Variants in GPR107 observed in about 807,000 individuals in gnomAD.
GPR107 encodes protein GPR107.
Under a neutral mutation model 75.5 loss-of-function variants are expected in GPR107, and 31 were observed. The ratio of observed to expected loss-of-function variants is 0.41; its 90% CI spans 0.31 to 0.55. The LOEUF (loss-of-function observed/expected upper bound fraction) is 0.55, where lower values mean the gene tolerates loss of function less well. Ranked by LOEUF, GPR107 falls within the 20% of genes least tolerant of loss-of-function variation. The pLI, the probability that GPR107 is intolerant of heterozygous loss-of-function variation, is 0.26. For missense variants in GPR107, 572 were observed against 665.7 expected, an observed-to-expected ratio of 0.86 and a Z score of 1.55; for synonymous variants, 267 against 251.3, an observed-to-expected ratio of 1.06 and a Z score of -0.59.
chr9:130,081,528 C>T (rs1830492479), intron 5 of GPR107, among the ~76,000 whole-genome samples: 1 of 151,956 alleles, frequency 6.6e-6, no homozygotes, highest in Non-Finnish European at 1.5e-5. Context: ...AAAAAATTAG[C>T]CGGGCATGGT....
At chr9:130,134,677 A>G (rs1299889551) in intron 17 of GPR107, among the ~76,000 whole-genome samples, 1 of 152,264 alleles carries the variant, frequency 6.6e-6, no homozygotes, top group Non-Finnish European at 1.5e-5. Context: ...CAGTCTCATA[A>G]GCGTAACTAT....
intron 6 of GPR107, among the ~76,000 whole-genome samples, chr9:130,085,796 T>C (rs1293788116): frequency 1.9e-5 from 2 of 105,912 alleles, no homozygotes; most frequent in African/African-American, 7.0e-5. Flanking sequence ...AGTCTTGCTC[T>C]ACCACCCAGG....
intron 7 of GPR107, among the ~76,000 whole-genome samples, 157 bp downstream of exon 7, chr9:130,086,633 A>G (rs1049651038): frequency 1.3e-5 from 2 of 152,156 alleles, no homozygotes; most frequent in African/African-American, 2.4e-5. Context: ...CAAGCCCACA[A>G]GGTGGATATT....
chr9:130,132,266 C>T (rs528644147), intron 17 of GPR107, among the ~76,000 whole-genome samples: 30 of 152,236 alleles, frequency 2.0e-4, no homozygotes, highest in Admixed American at 7.8e-4. Context: ...GTTTCCTGGC[C>T]GCACCCCTGG....
intron 14 of GPR107, chr9:130,110,554 G>T: frequency 3.0e-6 from 2 of 658,510 alleles, no homozygotes; most frequent in East Asian, 2.8e-5. Context: ...TTGTCATTTT[G>T]GTTCATGTTC....
At position 130,104,468 on chromosome 9, in the gene GPR107, A is replaced by G; in HGVS notation, c.1180A>G (p.Thr394Ala). The G allele has an allele frequency of 6.2e-7, 1 of 1,612,998 alleles. No individual in the cohort carries two copies. The highest frequency in any genetic ancestry group is 8.5e-7 in the Non-Finnish European group (1 of 1,178,924). ...YIIIESTEEG[T>A]TEYGLWKDSL... ...CATCATAGAGTCCACCGAGGAGGGC[A>G]CGACTGAATATGGCTTGTGGAAGGA... The change falls in exon 13 of 18, where the codon ACG becomes GCG. Residue 394 changes from threonine to alanine, a missense_variant. Physicochemically the swap from Thr to Ala is moderately conservative, Grantham distance 58. Coordinates refer to ENST00000347136, the MANE Select transcript of GPR107 (RefSeq NM_020960.5).
intron 17 of GPR107, chr9:130,133,218 A>G (rs1479211298): frequency 6.6e-6 from 1 of 152,222 alleles, no homozygotes; most frequent in Admixed American, 6.5e-5. Context: ...TTGAAGAATA[A>G]AAGTTGTTTT....
rs567997700 is a variant in GPR107 at position 130,078,120 on chromosome 9, G to A, written c.386+742G>A. On this transcript the variant is annotated intron_variant, in intron 4 of 17. Coordinates refer to ENST00000347136, the MANE Select transcript of GPR107 (RefSeq NM_020960.5). ...GCGGAGCTTGCGGTGAGCCGAGATCGCGCCACTGCACTCCAGCCTGGGTGA... is the reference window on the plus strand; with the variant it reads ...GCGGAGCTTGCGGTGAGCCGAGATCACGCCACTGCACTCCAGCCTGGGTGA... Among the ~76,000 whole-genome samples the A allele has an allele frequency of 4.0e-5, 6 of 151,490 alleles. No homozygotes were observed. In the East Asian group the frequency reaches 5.8e-4, roughly 15 times the overall value.
At chr9:130,128,860 C>A in intron 17 of GPR107, 99 bp downstream of exon 17, 3 of 1,109,736 alleles carry the variant, frequency 2.7e-6, no homozygotes, top group Non-Finnish European at 4.0e-6. Context: ...CATTTCGTGG[C>A]TGCAGGGGTG....
At position 130,070,365 on chromosome 9, in the gene GPR107, G is replaced by A. The variant is rs116316297; in HGVS notation, c.142-5271G>A. Among the ~76,000 whole-genome samples, 1,383 of 152,128 alleles carry A rather than the reference G, an allele frequency of 9.1e-3. 16 individuals carry two copies. Among genetic ancestry groups the A allele is most frequent in the African/African-American group, 0.032 (1,318 of 41,490 alleles). On this transcript the variant is annotated intron_variant, in intron 1 of 17. Coordinates refer to ENST00000347136, the MANE Select transcript of GPR107 (RefSeq NM_020960.5). ...TTCGCCCAAGCTAGAGTGCGGTGGC[G>A]TGATCTCGGCTCACTATAAGCTCCG...
rs373731941 is a variant in GPR107 at position 130,101,173 on chromosome 9, A to G, written c.1081A>G (p.Ile361Val). The G allele has an allele frequency of 8.1e-6, 13 of 1,605,752 alleles. No homozygotes were observed. The highest frequency in any genetic ancestry group is 1.7e-5 in the Admixed American group (1 of 60,004). Residue 361 changes from isoleucine to valine, a missense_variant, in exon 12 of 18, where the codon ATC becomes GTC. By Grantham distance (29) the Ile-to-Val change is conservative (BLOSUM62 3). Transcript: ENST00000347136. ...IGTGWAFIKH[I>V]LSDKDKKIFM... ...CACTGGCTGGGCTTTCATTAAGCAC[A>G]TCCTTTCTGATAAAGACAAAAAGAT...
rs1465602256 is a variant in GPR107 at position 130,073,456 on chromosome 9, AC to A, written c.142-2177del. 2.0e-5 allele frequency among the ~76,000 whole-genome samples: 3 copies of A among 152,078 alleles called. No homozygotes were observed. In the East Asian group the frequency reaches 5.8e-4, roughly 29 times the overall value. On this transcript the variant is annotated intron_variant, in intron 1 of 17. Transcript: ENST00000347136. ...TTAGCTTTTCTGGCTTTTACCATTGACCCACTCTTGTAGATTCCAGGAGATG... is the reference window on the plus strand; with the variant it reads ...TTAGCTTTTCTGGCTTTTACCATTGACCACTCTTGTAGATTCCAGGAGATG...
At chr9:130,058,488 G>A (rs958166924) in intron 1 of GPR107, among the ~76,000 whole-genome samples, 5 of 150,474 alleles carry the variant, frequency 3.3e-5, no homozygotes, top group East Asian at 2.0e-4. Context: ...TTTTTTAGAC[G>A]GAGTCTCGGA....
Position 130,054,116 on chromosome 9 carries a change from C to T in GPR107, c.141+43C>T, listed in dbSNP as rs1290516124. On this transcript the variant is annotated intron_variant, in intron 1 of 17. Coordinates refer to ENST00000347136, the MANE Select transcript of GPR107 (RefSeq NM_020960.5). ...CGGGCCGGGGGGCGGAGGCCGAGGC[C>T]ACTCCCCGGGTTTTAGGGCAACTTT... is the stretch of plus-strand genomic sequence containing the variant. 2.5e-5 allele frequency: 34 copies of T among 1,358,930 alleles called. 1 individual carries two copies. In the East Asian group the frequency reaches 9.5e-4, roughly 38 times the overall value. 84.2% of individuals were successfully genotyped at this position (1,358,930 alleles called of 1,614,324 possible).
intron 5 of GPR107, among the ~76,000 whole-genome samples, chr9:130,081,851 G>A (rs1267462535): frequency 6.6e-6 from 1 of 151,970 alleles, no homozygotes; most frequent in Non-Finnish European, 1.5e-5. Flanking sequence ...GTGAGAGCCT[G>A]TCTCAAAACC....
intron 10 of GPR107, among the ~76,000 whole-genome samples, chr9:130,100,045 C>T (rs1830983563): frequency 6.6e-6 from 1 of 151,798 alleles, no homozygotes; most frequent in Non-Finnish European, 1.5e-5. Flanking sequence ...CAGGCGCCCG[C>T]CACCACGCCC....
intron 14 of GPR107, among the ~76,000 whole-genome samples, chr9:130,109,172 G>A (rs772290329): frequency 6.6e-6 from 1 of 151,110 alleles, no homozygotes; most frequent in African/African-American, 2.4e-5. Flanking sequence ...GCTAATTTGG[G>A]GATATTCTTC....
chr9:130,067,646 A>C (rs746443358), intron 1 of GPR107, among the ~76,000 whole-genome samples: 5 of 151,956 alleles, frequency 3.3e-5, no homozygotes, highest in Non-Finnish European at 7.4e-5. Flanking sequence ...GTGAATTGCT[A>C]TGTATGTGCA....
At chr9:130,088,550 T>A (rs1182664460) in intron 7 of GPR107, among the ~76,000 whole-genome samples, 1 of 152,256 alleles carries the variant, frequency 6.6e-6, no homozygotes, top group Non-Finnish European at 1.5e-5. Flanking sequence ...AAACTCCTGA[T>A]CTTGGCCTTG....
Sources: gnomAD v4.1 joint callset for allele counts (sites outside exome capture counted in the v4.1 genomes callset) on GRCh38, gnomAD v4.1.1 for gene constraint, MANE v1.5 for transcripts, NCBI Gene and HGNC (gene_info 2026-07-23, HGNC 2026-07-21) for gene names.